The following CNTNAP2 variants were observed in gnomAD, a reference collection of about 807,000 sequenced individuals.
CNTNAP2 encodes contactin-associated protein-like 2.
A neutral mutation model predicts 155.2 loss-of-function variants in CNTNAP2; 98 were observed. That is an observed-to-expected ratio of 0.63 (90% confidence interval 0.54 to 0.75). CNTNAP2 has a LOEUF of 0.75. Ranked by LOEUF, CNTNAP2 falls within the 30% of genes least tolerant of loss-of-function variation. The pLI is 0.00. For missense variants in CNTNAP2, 1,727 were observed against 1,688.1 expected (o/e 1.02, Z -0.40); for synonymous variants, 651 against 631.2 (o/e 1.03, Z -0.47).
At chr7:147,892,238 G>A (rs980760314) in intron 13 of CNTNAP2, among the ~76,000 whole-genome samples, 9 of 152,106 alleles carry the variant, frequency 5.9e-5, no homozygotes, top group South Asian at 4.1e-4. Context: ...CGTAAAGACC[G>A]TCATCACAAC....
chr7:146,226,482 G>A (rs1447248005), intron 1 of CNTNAP2, among the ~76,000 whole-genome samples: 1 of 151,992 alleles, frequency 6.6e-6, no homozygotes, highest in Non-Finnish European at 1.5e-5. Context: ...TATATAGTGA[G>A]ACCCCAAGTC....
chr7:148,123,548 G>C (rs967084524), intron 16 of CNTNAP2, among the ~76,000 whole-genome samples: 1 of 151,870 alleles, frequency 6.6e-6, no homozygotes, highest in Non-Finnish European at 1.5e-5. Context: ...AGTGAGCTAT[G>C]ATCACACAGC....
At chr7:146,856,297 G>GATAGATACATACATAC (rs869052895) in intron 3 of CNTNAP2, among the ~76,000 whole-genome samples, 61 of 116,686 alleles carry the variant, frequency 5.2e-4, no homozygotes, top group Middle Eastern at 4.6e-3. Flanking sequence ...TAGATAGATA[G>GATAGATACATACATAC]ATACATACAT....
chr7:147,061,937 G>A (rs1372875506), intron 4 of CNTNAP2, among the ~76,000 whole-genome samples: 2 of 151,484 alleles, frequency 1.3e-5, no homozygotes, highest in Non-Finnish European at 2.9e-5. Context: ...GACCATCCTG[G>A]CTCACACGGT....
chr7:148,100,925 A>G (rs917910379), intron 15 of CNTNAP2, among the ~76,000 whole-genome samples: 1 of 152,162 alleles, frequency 6.6e-6, no homozygotes, highest in African/African-American at 2.4e-5. Context: ...TGTGGCACAT[A>G]TACACCATGG....
intron 13 of CNTNAP2, among the ~76,000 whole-genome samples, chr7:147,785,273 C>T (rs1797722613): frequency 6.6e-6 from 1 of 152,030 alleles, no homozygotes; most frequent in Non-Finnish European, 1.5e-5. Context: ...AGCTTCTAGG[C>T]AGAATAACAC....
chr7:147,458,663 G>A (rs893809325), intron 10 of CNTNAP2, among the ~76,000 whole-genome samples: 1 of 152,304 alleles, frequency 6.6e-6, no homozygotes, highest in South Asian at 2.1e-4. Context: ...CCCTCCTGCT[G>A]TGCCCAGTGT....
At chr7:147,953,079 C>T (rs1800962379) in intron 14 of CNTNAP2, among the ~76,000 whole-genome samples, 1 of 152,172 alleles carries the variant, frequency 6.6e-6, no homozygotes, top group Admixed American at 6.5e-5. Context: ...GATGAATGGT[C>T]ATGTATAGTG....
intron 1 of CNTNAP2, among the ~76,000 whole-genome samples, chr7:146,650,324 G>C (rs1198802174): frequency 6.6e-6 from 1 of 152,110 alleles, no homozygotes; most frequent in African/African-American, 2.4e-5. Context: ...ACTGGATAAA[G>C]AAAATGTGGC....
intron 12 of CNTNAP2, among the ~76,000 whole-genome samples, chr7:147,636,875 G>C (rs4272288): frequency 6.6e-6 from 1 of 152,044 alleles, no homozygotes; most frequent in Non-Finnish European, 1.5e-5. Context: ...AGGAGGCAGA[G>C]AGCAGCTGTA....
chr7:147,767,844 C>G (rs772962824), intron 13 of CNTNAP2, among the ~76,000 whole-genome samples: 1 of 151,984 alleles, frequency 6.6e-6, no homozygotes, highest in Non-Finnish European at 1.5e-5. Context: ...CAAGAGATTT[C>G]TAAAGAATCT....
At chr7:147,337,156 T>C (rs1795678002) in intron 9 of CNTNAP2, among the ~76,000 whole-genome samples, 1 of 152,132 alleles carries the variant, frequency 6.6e-6, no homozygotes, top group Admixed American at 6.6e-5. Flanking sequence ...ACAATTTCAG[T>C]GAAGCAATTT....
chr7:146,946,720 G>A (rs559194891), intron 3 of CNTNAP2, among the ~76,000 whole-genome samples: 33 of 152,152 alleles, frequency 2.2e-4, no homozygotes, highest in African/African-American at 7.0e-4. Context: ...TATTGCCAAG[G>A]AGAAGTAAAT....
intron 15 of CNTNAP2, among the ~76,000 whole-genome samples, chr7:148,037,727 T>C (rs929868326): frequency 1.2e-4 from 18 of 152,242 alleles, no homozygotes; most frequent in Non-Finnish European, 1.9e-4. Flanking sequence ...ATTTTATTAT[T>C]CTCATAATCT....
At chr7:147,850,445 G>C (rs1195551129) in intron 13 of CNTNAP2, among the ~76,000 whole-genome samples, 3 of 152,156 alleles carry the variant, frequency 2.0e-5, no homozygotes. Context: ...CCAAAAAAGA[G>C]CCCGCATTGC....
At chr7:148,084,460 T>C (rs541324904) in intron 15 of CNTNAP2, among the ~76,000 whole-genome samples, 1 of 152,342 alleles carries the variant, frequency 6.6e-6, no homozygotes, top group Admixed American at 6.5e-5. Context: ...TTCTTTTATC[T>C]TTAGACTCTT....
intron 3 of CNTNAP2, among the ~76,000 whole-genome samples, chr7:146,842,448 T>A (rs1453593076): frequency 6.6e-6 from 1 of 152,108 alleles, no homozygotes; most frequent in African/African-American, 2.4e-5. Flanking sequence ...TATAAAATTT[T>A]AAAAATCAAA....
chr7:147,210,430 G>C (rs982140595), intron 8 of CNTNAP2, among the ~76,000 whole-genome samples: 7 of 151,818 alleles, frequency 4.6e-5, no homozygotes, highest in Non-Finnish European at 1.0e-4. Flanking sequence ...CTGAGGGATT[G>C]GTTGTAATGT....
intron 3 of CNTNAP2, among the ~76,000 whole-genome samples, chr7:146,991,594 A>T (rs1458598975): frequency 6.6e-6 from 1 of 152,168 alleles, no homozygotes; most frequent in Non-Finnish European, 1.5e-5. Context: ...ACATTGTAAA[A>T]CCAATATAGG....
Sources: gnomAD v4.1 joint callset for allele counts (sites outside exome capture counted in the v4.1 genomes callset) on GRCh38, gnomAD v4.1.1 for gene constraint, MANE v1.5 for transcripts, NCBI Gene and HGNC (gene_info 2026-07-23, HGNC 2026-07-21) for gene names.